The following SLC36A1 variants were observed in gnomAD, a reference collection of about 807,000 sequenced individuals.
SLC36A1 encodes the protein solute carrier family 36 member 1, also known as proton-coupled amino acid transporter 1.
A neutral mutation model predicts 47.5 loss-of-function variants in SLC36A1; 30 were observed. The ratio of observed to expected loss-of-function variants is 0.63; its 90% CI spans 0.47 to 0.86. The LOEUF (loss-of-function observed/expected upper bound fraction) is 0.86. Among genes scored for constraint, SLC36A1 ranks in the 40% least tolerant of loss-of-function variants. SLC36A1 has a pLI of 0.00. For missense variants in SLC36A1, 517 were observed against 606.0 expected (o/e 0.85, Z 1.54); for synonymous variants, 255 against 249.7 (o/e 1.02, Z -0.20).
the SLC36A1 span, among the ~76,000 whole-genome samples, chr5:151,546,695 A>G: frequency 1.3e-5 from 2 of 152,080 alleles, no homozygotes; most frequent in Non-Finnish European, 2.9e-5. Context: ...TTTGCATCAT[A>G]CAGAATTTTT....
chr5:151,480,281 G>A (rs1247117764), intron 10 of SLC36A1: 1 of 431,836 alleles, frequency 2.3e-6, no homozygotes, highest in Admixed American at 4.1e-5. Context: ...GGCTCTATTT[G>A]GCTTTTTTTT....
the SLC36A1 span, among the ~76,000 whole-genome samples, chr5:151,410,852 G>A: frequency 5.5e-5 from 8 of 144,498 alleles, 2 homozygotes; most frequent in African/African-American, 2.0e-4. Context: ...ATTCTTGGTT[G>A]GGAGGGACTG....
chr5:151,549,187 C>T, the SLC36A1 span: 1 of 1,015,728 alleles, frequency 9.8e-7, no homozygotes, highest in Non-Finnish European at 1.5e-6. Flanking sequence ...TTTGCCAAGG[C>T]TTAATGAGCT....
the SLC36A1 span, among the ~76,000 whole-genome samples, chr5:151,524,803 C>G: frequency 6.6e-6 from 1 of 152,200 alleles, no homozygotes; most frequent in Non-Finnish European, 1.5e-5. Context: ...GTTGCTCTTC[C>G]TGCCTGGAAG....
intron 2 of SLC36A1, among the ~76,000 whole-genome samples, chr5:151,460,580 T>TA (rs1228750702): frequency 1.3e-5 from 2 of 152,064 alleles, no homozygotes; most frequent in Non-Finnish European, 2.9e-5. Flanking sequence ...TGGCAGGTAT[T>TA]ACAGTCCCAT....
chr5:151,479,931 G>A (rs1758585869), intron 10 of SLC36A1: 2 of 568,346 alleles, frequency 3.5e-6, no homozygotes, highest in South Asian at 2.6e-5. Context: ...GAGGCTTTAT[G>A]ATAGTATTCT....
chr5:151,383,570 A>ATTTTTT, the SLC36A1 span, among the ~76,000 whole-genome samples: 1 of 137,110 alleles, frequency 7.3e-6, no homozygotes. Context: ...TTTTAACTTA[A>ATTTTTT]ATTTTTTTTT....
the SLC36A1 span, among the ~76,000 whole-genome samples, chr5:151,499,994 T>C: frequency 1.3e-5 from 2 of 152,086 alleles, no homozygotes; most frequent in Non-Finnish European, 2.9e-5. Flanking sequence ...AAAGTGGATG[T>C]AGGGCTTCGG....
At chr5:151,419,058 T>C in the SLC36A1 span, among the ~76,000 whole-genome samples, 1 of 152,242 alleles carries the variant, frequency 6.6e-6, no homozygotes, top group Non-Finnish European at 1.5e-5. Flanking sequence ...TGCCTGCCTC[T>C]ACATGAAGAA....
the SLC36A1 span, among the ~76,000 whole-genome samples, chr5:151,391,513 A>G: frequency 6.6e-6 from 1 of 152,152 alleles, no homozygotes; most frequent in Non-Finnish European, 1.5e-5. Context: ...GTTTTTGCCC[A>G]TTCAGAATGA....
the SLC36A1 span, among the ~76,000 whole-genome samples, chr5:151,403,902 G>T: frequency 6.6e-6 from 1 of 152,166 alleles, no homozygotes; most frequent in Non-Finnish European, 1.5e-5. Context: ...TTCTGTGGTT[G>T]TTTGGTGGAT....
chr5:151,382,054 T>A, the SLC36A1 span: 6 of 698,650 alleles, frequency 8.6e-6, no homozygotes, highest in Admixed American at 2.2e-5. Context: ...GCCCTTCCTG[T>A]TACAGGAGGC....
At chr5:151,474,357 A>G (rs1240364559) in intron 8 of SLC36A1, among the ~76,000 whole-genome samples, 2 of 152,036 alleles carry the variant, frequency 1.3e-5, no homozygotes, top group Admixed American at 6.6e-5. Context: ...GCATATGGCA[A>G]TCAGGAAGGC....
At chr5:151,551,111 G>A in the SLC36A1 span, among the ~76,000 whole-genome samples, 2 of 150,810 alleles carry the variant, frequency 1.3e-5, no homozygotes, top group Non-Finnish European at 2.9e-5. Flanking sequence ...CAAGTGAAAT[G>A]TTGTGTGAAA....
chr5:151,442,563 C>T (rs1232158441), intron 1 of SLC36A1, among the ~76,000 whole-genome samples: 1 of 152,110 alleles, frequency 6.6e-6, no homozygotes, highest in Non-Finnish European at 1.5e-5. Context: ...TACCTATGCT[C>T]ATCCTACAGA....
In SLC36A1 at chr5:151,467,214, C is replaced by T. The variant is rs34075182; in HGVS notation, c.435C>T (p.Phe145=). The T allele has an allele frequency of 3.0e-5, 49 of 1,611,948 alleles. No individual in the cohort carries two copies. In the African/African-American group the frequency reaches 5.9e-4, roughly 19 times the overall value. The part of the protein sequence containing the change: ...HAHWGRRVVD[F]FLIVTQLGFC... ...CCACCTCCAGACGTGTTGTGGACTT[C>T]TTCCTGATTGTCACCCAGCTGGGAT... The change falls in exon 6 of 11, where the codon TTC becomes TTT. Residue 145 remains phenylalanine (F), a synonymous_variant. Transcript: ENST00000243389.
chr5:151,421,103 G>T, the SLC36A1 span, among the ~76,000 whole-genome samples: 1 of 105,428 alleles, frequency 9.5e-6, no homozygotes, highest in Non-Finnish European at 2.1e-5. Context: ...TCGATCTCCT[G>T]ACCTCGTGAT....
At chr5:151,377,347 C>CTTT in the SLC36A1 span, among the ~76,000 whole-genome samples, 17,664 of 120,012 alleles carry the variant, frequency 0.15, 1,493 homozygotes, top group East Asian at 0.34. Flanking sequence ...CTGTCTCTTT[C>CTTT]TTTTTTTTTT....
chr5:151,525,663 A>G, the SLC36A1 span: 1 of 1,296,734 alleles, frequency 7.7e-7, no homozygotes, highest in Non-Finnish European at 1.1e-6. Context: ...ATGCATCCTA[A>G]GTGCTTTGTA....
Sources: allele counts gnomAD v4.1 joint callset (sites outside exome capture counted in the v4.1 genomes callset), GRCh38; gene constraint gnomAD v4.1.1; transcripts MANE v1.5; gene names NCBI Gene and HGNC (gene_info 2026-07-23, HGNC 2026-07-21).